Variants in NKAIN2 observed in about 807,000 individuals in gnomAD.
NKAIN2 encodes sodium/potassium-transporting ATPase subunit beta-1-interacting protein 2.
Under a neutral mutation model 32.6 loss-of-function variants are expected in NKAIN2, and 14 were observed. The observed-to-expected ratio is 0.43, with a 90% CI of 0.28 to 0.67. The LOEUF (loss-of-function observed/expected upper bound fraction) is 0.67, where lower values mean the gene tolerates loss of function less well. NKAIN2 is among the 30% of genes least tolerant of loss of function. The probability of loss-of-function intolerance (pLI) is 0.17; values close to 1 mark genes in which losing one functional copy is unlikely to be tolerated. For synonymous variants in NKAIN2, 80 were observed against 87.2 expected (o/e 0.92, Z 0.46); for missense variants, 198 against 258.3 (o/e 0.77, Z 1.60).
At chr6:124,500,768 G>A (rs1398552626) in intron 3 of NKAIN2, among the ~76,000 whole-genome samples, 3 of 152,004 alleles carry the variant, frequency 2.0e-5, no homozygotes, top group South Asian at 2.1e-4. Flanking sequence ...GTGCTGGATT[G>A]TTTGATACTG....
chr6:124,056,901 C>T (rs1295882653), intron 1 of NKAIN2, among the ~76,000 whole-genome samples: 1 of 151,988 alleles, frequency 6.6e-6, no homozygotes, highest in African/African-American at 2.4e-5. Context: ...TTTCCTGGAG[C>T]TGTCACTTCT....
intron 1 of NKAIN2, among the ~76,000 whole-genome samples, chr6:123,967,915 T>A (rs566146884): frequency 1.3e-5 from 2 of 152,168 alleles, no homozygotes; most frequent in South Asian, 4.2e-4. Flanking sequence ...TAACTAATCG[T>A]GCCTATAAAG....
At chr6:124,201,144 A>G (rs966570314) in intron 1 of NKAIN2, among the ~76,000 whole-genome samples, 5 of 152,090 alleles carry the variant, frequency 3.3e-5, no homozygotes, top group Admixed American at 6.6e-5. Context: ...GGCCTTTTAC[A>G]TACTAATACA....
In NKAIN2 at chr6:124,698,533, G is replaced by A. The variant is rs563569475; in HGVS notation, c.474+40147G>A. Among the ~76,000 whole-genome samples the A allele has an allele frequency of 2.0e-5, 3 of 152,252 alleles. No individual in the cohort carries two copies. In the East Asian group the frequency reaches 5.8e-4, roughly 29 times the overall value. On this transcript the variant is annotated intron_variant, in intron 4 of 6. Coordinates refer to ENST00000368417, the MANE Select transcript of NKAIN2 (RefSeq NM_001040214.3). ...CATTAAGTAACATAACAATGACATA[G>A]CAACACCAGTTTTGCATAAGTAGGC...
intron 1 of NKAIN2, among the ~76,000 whole-genome samples, chr6:124,163,369 A>G (rs773046385): frequency 2.0e-5 from 3 of 151,970 alleles, no homozygotes; most frequent in Non-Finnish European, 4.4e-5. Flanking sequence ...ATTAAGGCCA[A>G]TTTTGCAAAA....
Position 124,658,367 on chromosome 6 carries a change from C to G in NKAIN2, c.455C>G (p.Ser152Cys). 6.2e-7 allele frequency: 1 copy of G among 1,614,062 alleles called. No homozygotes were observed. The highest frequency in any genetic ancestry group is 8.5e-7 in the Non-Finnish European group (1 of 1,179,992). The change falls in exon 4 of 7, where the codon TCC becomes TGC. Residue 152 changes from serine to cysteine, a missense_variant. Physicochemically the swap from Ser to Cys is moderately radical, Grantham distance 112 (BLOSUM62 -1). Coordinates refer to ENST00000368417, the MANE Select transcript of NKAIN2 (RefSeq NM_001040214.3). ...EYQYIEVAHS[S>C]LQIVLALAGF... Reference sequence around the variant, plus strand: ...CAGTACATAGAAGTGGCTCATAGTTCCCTCCAGATTGTCCTCGCAGTAAGT... The same window carrying G: ...CAGTACATAGAAGTGGCTCATAGTTGCCTCCAGATTGTCCTCGCAGTAAGT...
chr6:123,952,799 T>C (rs1397989711), intron 1 of NKAIN2, among the ~76,000 whole-genome samples: 3 of 152,174 alleles, frequency 2.0e-5, no homozygotes, highest in African/African-American at 7.2e-5. Flanking sequence ...ATTGTTCCTA[T>C]TTTTTTGTAT....
intron 1 of NKAIN2, among the ~76,000 whole-genome samples, chr6:123,880,091 T>C (rs1438851573): frequency 6.6e-6 from 1 of 152,168 alleles, no homozygotes; most frequent in African/African-American, 2.4e-5. Context: ...ATGATTTGGG[T>C]AGAGCTGAGA....
intron 3 of NKAIN2, among the ~76,000 whole-genome samples, chr6:124,366,936 A>C (rs937025067): frequency 1.3e-5 from 2 of 152,022 alleles, no homozygotes; most frequent in African/African-American, 2.4e-5. Flanking sequence ...TCGAAAAAAA[A>C]AAAAAAAAGT....
chr6:124,355,158 A>G, intron 2 of NKAIN2, 109 bp from the exon 3 acceptor site: 1 of 686,716 alleles, frequency 1.5e-6, no homozygotes, highest in Non-Finnish European at 2.6e-6. Context: ...GCAATATTTA[A>G]CCTTTCCCAC....
chr6:124,655,493 A>G (rs1462659292), intron 3 of NKAIN2, among the ~76,000 whole-genome samples: 1 of 152,178 alleles, frequency 6.6e-6, no homozygotes, highest in Non-Finnish European at 1.5e-5. Context: ...AACAAACTCA[A>G]CTAACATCAA....
chr6:124,240,168 A>G (rs1023058363), intron 1 of NKAIN2, among the ~76,000 whole-genome samples: 1 of 152,088 alleles, frequency 6.6e-6, no homozygotes, highest in African/African-American at 2.4e-5. Context: ...ATTCCTGGAC[A>G]CATACACCCT....
intron 4 of NKAIN2, among the ~76,000 whole-genome samples, chr6:124,770,564 A>T (rs1046126210): frequency 2.3e-4 from 35 of 152,134 alleles, no homozygotes; most frequent in African/African-American, 7.7e-4. Context: ...CTGCCTCTGC[A>T]TGTCATCTAT....
At chr6:123,949,479 A>G (rs1000031323) in intron 1 of NKAIN2, among the ~76,000 whole-genome samples, 6 of 151,930 alleles carry the variant, frequency 3.9e-5, no homozygotes, top group Admixed American at 1.3e-4. Flanking sequence ...AGTAACTTTC[A>G]TGAGTATCTT....
chr6:124,440,303 C>T (rs590944), intron 3 of NKAIN2, among the ~76,000 whole-genome samples: 46,224 of 151,870 alleles, frequency 0.3, 7,646 homozygotes, highest in African/African-American at 0.43. Context: ...TCTACTGGTC[C>T]TCTTTTACCT....
At chr6:124,379,213 GAAAGGAGGGAA>G (rs1354403484) in intron 3 of NKAIN2, among the ~76,000 whole-genome samples, 30 of 2,166 alleles carry the variant, frequency 0.014, 1 homozygote, top group Non-Finnish European at 0.016. Context: ...GGAAGGGAGG[GAAAGGAGGGAA>G]GAGGGGAGGA....
chr6:124,332,244 C>G (rs932914120), intron 2 of NKAIN2, among the ~76,000 whole-genome samples: 140 of 151,242 alleles, frequency 9.3e-4, no homozygotes, highest in African/African-American at 3.1e-3. Context: ...CACACACACA[C>G]ACAGAGAGAG....
intron 3 of NKAIN2, among the ~76,000 whole-genome samples, chr6:124,441,065 G>C (rs548026564): frequency 1.5e-4 from 23 of 152,136 alleles, no homozygotes; most frequent in African/African-American, 4.1e-4. Flanking sequence ...TCTTAAACAG[G>C]CAATTTCTTC....
At chr6:124,688,379 C>G (rs1774093472) in intron 4 of NKAIN2, among the ~76,000 whole-genome samples, 1 of 151,918 alleles carries the variant, frequency 6.6e-6, no homozygotes, top group Admixed American at 6.6e-5. Flanking sequence ...ACAGAGAGTT[C>G]CCAAGTACCC....
Sources: gnomAD v4.1 joint callset for allele counts (sites outside exome capture counted in the v4.1 genomes callset) on GRCh38, gnomAD v4.1.1 for gene constraint, MANE v1.5 for transcripts, NCBI Gene and HGNC (gene_info 2026-07-23, HGNC 2026-07-21) for gene names.